The following LSP1 variants were observed in gnomAD, a reference collection of about 807,000 sequenced individuals.
LSP1 encodes the protein lymphocyte specific protein 1.
LSP1 carries 32 observed loss-of-function variants against 49.3 expected under a neutral mutation model. The observed-to-expected ratio is 0.65, with a 90% confidence interval of 0.49 to 0.87. The LOEUF (loss-of-function observed/expected upper bound fraction) is 0.87, where lower values mean the gene tolerates loss of function less well. LSP1 is among the 40% of genes least tolerant of loss of function. LSP1 has a pLI of 0.00. For missense variants in LSP1, 428 were observed against 442.6 expected, an observed-to-expected ratio of 0.97 and a Z score of 0.30; for synonymous variants, 179 against 178.8, an observed-to-expected ratio of 1.00 and a Z score of -0.01.
rs764746759 is a variant in LSP1 at position 1,884,308 on chromosome 11, G to T, written c.620G>T (p.Arg207Leu). The change falls in exon 6 of 11, where the codon CGC becomes CTC. Residue 207 changes from arginine to leucine, a missense_variant. Coordinates refer to ENST00000311604, the MANE Select transcript of LSP1 (RefSeq NM_002339.3). The surrounding 1 kb of genome is among the most constrained non-coding windows in gnomAD (Gnocchi z 4.1). ...ATCGACAGGACCGAGTCCCTAAACC[G>T]CTCCATAGAGAAGAGGTCTGTCTGT... is the stretch of plus-strand genomic sequence containing the variant. ...KLIDRTESLN[R>L]SIEKSNSVKK... 1.1e-5 allele frequency: 17 copies of T among 1,613,914 alleles called. No homozygotes were observed. The highest frequency in any genetic ancestry group is 8.3e-5 in the Admixed American group (5 of 59,976).
intron 1 of LSP1, among the ~76,000 whole-genome samples, chr11:1,867,794 C>T (rs1361180544): frequency 6.6e-6 from 1 of 152,162 alleles, no homozygotes; most frequent in African/African-American, 2.4e-5. Flanking sequence ...GTGCTCTGGG[C>T]CAGTGGGAAA....
chr11:1,876,990 G>A (rs954405660), intron 1 of LSP1, among the ~76,000 whole-genome samples: 1 of 152,182 alleles, frequency 6.6e-6, no homozygotes, highest in Admixed American at 6.5e-5. Context: ...CTTGGGCTTC[G>A]GAGCCAGAAC....
chr11:1,877,827 G>A (rs1848375674), intron 1 of LSP1, among the ~76,000 whole-genome samples: 1 of 152,164 alleles, frequency 6.6e-6, no homozygotes, highest in South Asian at 2.1e-4. Flanking sequence ...CCAGGCCTAG[G>A]GAGTCCTGCG....
intron 1 of LSP1, among the ~76,000 whole-genome samples, chr11:1,856,675 G>A (rs186712404): frequency 6.6e-6 from 1 of 152,360 alleles, no homozygotes; most frequent in African/African-American, 2.4e-5. Context: ...AGGAGGAAGG[G>A]GCTGGAGGCC....
chr11:1,877,473 C>T (rs1352887160), intron 1 of LSP1, among the ~76,000 whole-genome samples: 3 of 152,248 alleles, frequency 2.0e-5, no homozygotes, highest in African/African-American at 4.8e-5. Context: ...AGAGCTCAGT[C>T]GGAGTGATCC....
intron 1 of LSP1, chr11:1,870,057 T>C (rs1281779254): frequency 9.2e-6 from 4 of 435,274 alleles, no homozygotes; most frequent in South Asian, 1.6e-5. Flanking sequence ...ATGGGGATGA[T>C]AGGACTGCGC....
At chr11:1,863,298 C>A (rs550438440) in intron 1 of LSP1, 8 of 152,420 alleles carry the variant, frequency 5.2e-5, no homozygotes, top group African/African-American at 1.9e-4. Flanking sequence ...GCAACCCCAA[C>A]TCCCTGGCCT....
intron 1 of LSP1, chr11:1,865,296 G>T (rs1187130706): frequency 3.1e-6 from 3 of 953,416 alleles, no homozygotes; most frequent in Non-Finnish European, 3.7e-6. Context: ...GGCATGGAGG[G>T]CAGGGCAGGG....
At chr11:1,877,141 C>T (rs1162713576) in intron 1 of LSP1, among the ~76,000 whole-genome samples, 19 of 152,202 alleles carry the variant, frequency 1.2e-4, no homozygotes, top group Non-Finnish European at 2.2e-4. Context: ...GGGCCTGGGC[C>T]GCTGGCCGGG....
intron 4 of LSP1, 28 bp downstream of exon 4, chr11:1,883,588 G>A (rs756766295): frequency 6.3e-6 from 10 of 1,584,800 alleles, no homozygotes; most frequent in Non-Finnish European, 7.7e-6. Flanking sequence ...GAGGGTCTGG[G>A]TGTACCCCCA....
At chr11:1,886,199 G>A (rs1848741837) in intron 7 of LSP1, among the ~76,000 whole-genome samples, 1 of 150,882 alleles carries the variant, frequency 6.6e-6, no homozygotes, top group Admixed American at 6.6e-5. Context: ...GTCGTTGCAT[G>A]CAATCAATGC....
chr11:1,865,345 C>A, intron 1 of LSP1: 1 of 618,360 alleles, frequency 1.6e-6, no homozygotes, highest in Non-Finnish European at 2.0e-6. Context: ...GGCCACTGGG[C>A]CTCCCCCCAG....
chr11:1,876,741 GAGA>G (rs368295756), intron 1 of LSP1: 90,865 of 348,352 alleles, frequency 0.26, 6,708 homozygotes, highest in Non-Finnish European at 0.28. Flanking sequence ...GTGGAGGAAG[GAGA>G]AGAAGGGCCA....
chr11:1,890,587 CTG>C (rs2133146226), intron 10 of LSP1: 1 of 705,968 alleles, frequency 1.4e-6, no homozygotes, highest in Non-Finnish European at 2.6e-6. Context: ...ATGAGCATGA[CTG>C]TGTCCTAGGG....
intron 3 of LSP1, among the ~76,000 whole-genome samples, chr11:1,882,071 A>G (rs1452987377): frequency 1.3e-5 from 2 of 152,116 alleles, no homozygotes; most frequent in African/African-American, 4.8e-5. Context: ...AGGTATTTCC[A>G]GATGTGCATG....
intron 1 of LSP1, among the ~76,000 whole-genome samples, chr11:1,866,096 C>A (rs1486430253): frequency 6.6e-6 from 1 of 152,170 alleles, no homozygotes; most frequent in South Asian, 2.1e-4. Context: ...AGATATCCCT[C>A]TGCACCGTCA....
At chr11:1,858,730 C>T (rs1016333137) in intron 1 of LSP1, among the ~76,000 whole-genome samples, 1 of 152,208 alleles carries the variant, frequency 6.6e-6, no homozygotes, top group Admixed American at 6.5e-5. Context: ...AGCCCCCATC[C>T]CCTCCCCAAC....
chr11:1,887,436 C>T (rs1848802881), intron 9 of LSP1, 38 bp from the exon 10 acceptor site: 1 of 1,595,530 alleles, frequency 6.3e-7, no homozygotes, highest in Middle Eastern at 1.7e-4. Flanking sequence ...CTCCTTTCTG[C>T]TGCTCTCACC....
chr11:1,868,607 G>T, intron 1 of LSP1: 2 of 971,480 alleles, frequency 2.1e-6, no homozygotes, highest in Non-Finnish European at 2.4e-6. Context: ...GTGTCCAAAA[G>T]GGTGTGGCTG....
Sources: allele counts gnomAD v4.1 joint callset (sites outside exome capture counted in the v4.1 genomes callset), GRCh38; gene constraint gnomAD v4.1.1; non-coding constraint Gnocchi (gnomAD v3.1); transcripts MANE v1.5; gene names NCBI Gene and HGNC (gene_info 2026-07-23, HGNC 2026-07-21).